SPMAP2: variants seen among roughly 807,000 people sequenced by gnomAD.
SPMAP2 encodes sperm microtubule associated protein 2, also known as Theg homolog.
chr19:374,046 T>C, the SPMAP2 span: 1 of 1,601,658 alleles, frequency 6.2e-7, no homozygotes, highest in Non-Finnish European at 8.5e-7. Context: ...CCACTGCCTC[T>C]TGCCCTGGGT....
chr19:373,600 G>A, the SPMAP2 span: 2 of 1,522,586 alleles, frequency 1.3e-6, no homozygotes, highest in Non-Finnish European at 1.8e-6. Flanking sequence ...ACAAGCCTGG[G>A]TCTCTGCCAG....
chr19:372,184 G>A, the SPMAP2 span, among the ~76,000 whole-genome samples: 4 of 116,664 alleles, frequency 3.4e-5, no homozygotes, highest in Admixed American at 4.1e-4. Flanking sequence ...CATAAAAGAT[G>A]GGTAATTATA....
chr19:375,603 AC>A, the SPMAP2 span: 1 of 1,445,174 alleles, frequency 6.9e-7, no homozygotes, highest in Admixed American at 2.5e-5. Flanking sequence ...CCCTCCCCCC[AC>A]TGCCAGGGGC....
the SPMAP2 span, among the ~76,000 whole-genome samples, chr19:372,961 G>C: frequency 6.6e-6 from 1 of 152,218 alleles, no homozygotes; most frequent in Admixed American, 6.5e-5. Context: ...CAGCAGCCCA[G>C]CACCGTGGCT....
chr19:365,082 T>C, the SPMAP2 span, among the ~76,000 whole-genome samples: 1 of 152,218 alleles, frequency 6.6e-6, no homozygotes, highest in East Asian at 1.9e-4. Context: ...GGCACGTGGC[T>C]GGGCAAGGCC....
At chr19:375,631 G>A in the SPMAP2 span, 159 of 1,519,692 alleles carry the variant, frequency 1.0e-4, no homozygotes, top group Middle Eastern at 1.8e-4. Flanking sequence ...CTACCCCACC[G>A]CACCCAGGCA....
At chr19:373,813 C>T in the SPMAP2 span, 10 of 934,416 alleles carry the variant, frequency 1.1e-5, no homozygotes, top group Non-Finnish European at 1.7e-5. Flanking sequence ...TGGAGAGCCC[C>T]ACATCTGAGG....
chr19:363,383 G>A, the SPMAP2 span, among the ~76,000 whole-genome samples: 1 of 151,996 alleles, frequency 6.6e-6, no homozygotes, highest in African/African-American at 2.4e-5. Context: ...AGCAGAGACG[G>A]GGTTTCACCA....
the SPMAP2 span, among the ~76,000 whole-genome samples, chr19:368,869 G>A: frequency 2.6e-5 from 4 of 152,218 alleles, no homozygotes; most frequent in African/African-American, 9.6e-5. This position sits in a 1 kb window ranked among gnomAD's most constrained non-coding sequence, Gnocchi z 4.1. Flanking sequence ...AGGCCGGGCT[G>A]CTGAGGTAGA....
At chr19:371,367 GGGGTGT>G in the SPMAP2 span, 210 of 718,664 alleles carry the variant, frequency 2.9e-4, 6 homozygotes, top group African/African-American at 1.1e-3. Context: ...GCCGGGGGTG[GGGGTGT>G]GTGTGTGTGT....
chr19:365,756 C>T, the SPMAP2 span, among the ~76,000 whole-genome samples: 39 of 135,012 alleles, frequency 2.9e-4, no homozygotes, highest in African/African-American at 9.3e-4. Context: ...ACTCTTACCC[C>T]CACACAGCAA....
the SPMAP2 span, chr19:374,627 G>A: frequency 1.6e-6 from 1 of 625,354 alleles, no homozygotes; most frequent in Non-Finnish European, 2.7e-6. Context: ...TCGCTGGATG[G>A]AAGACCCGTC....
the SPMAP2 span, chr19:372,531 G>A: frequency 8.1e-7 from 1 of 1,239,408 alleles, no homozygotes. Context: ...TCTAGGGCTA[G>A]GACCTGGACC....
At chr19:371,875 G>T in the SPMAP2 span, among the ~76,000 whole-genome samples, 1 of 152,236 alleles carries the variant, frequency 6.6e-6, no homozygotes, top group African/African-American at 2.4e-5. Context: ...ACATTGAACA[G>T]GTCTGAGGTT....
the SPMAP2 span, among the ~76,000 whole-genome samples, chr19:375,040 G>A: frequency 3.3e-5 from 5 of 152,182 alleles, no homozygotes; most frequent in Non-Finnish European, 5.9e-5. Context: ...CTCCCTGGGC[G>A]GCACGGAAAC....
the SPMAP2 span, chr19:372,689 G>C: frequency 1.9e-6 from 3 of 1,614,038 alleles, no homozygotes; most frequent in Admixed American, 3.3e-5. Context: ...TCCTCCACGC[G>C]GCGGGACACC....
At chr19:373,843 C>A in the SPMAP2 span, 2 of 1,187,582 alleles carry the variant, frequency 1.7e-6, no homozygotes, top group Non-Finnish European at 1.2e-6. Context: ...TGATCCTCCT[C>A]CCTGGAGAGA....
At chr19:372,097 G>A in the SPMAP2 span, among the ~76,000 whole-genome samples, 1 of 152,244 alleles carries the variant, frequency 6.6e-6, no homozygotes, top group African/African-American at 2.4e-5. Flanking sequence ...CCACATCAAC[G>A]TCTGTGTCAG....
chr19:374,751 C>T, the SPMAP2 span: 1 of 286,254 alleles, frequency 3.5e-6, no homozygotes, highest in African/African-American at 2.1e-5. Flanking sequence ...TTACTCATCT[C>T]ACAGACATCT....
Sources: allele counts gnomAD v4.1 joint callset (sites outside exome capture counted in the v4.1 genomes callset), GRCh38; gene constraint gnomAD v4.1.1; non-coding constraint Gnocchi (gnomAD v3.1); transcripts MANE v1.5; gene names NCBI Gene and HGNC (gene_info 2026-07-23, HGNC 2026-07-21).